The following ZZZ3 variants were observed in gnomAD, a reference collection of about 807,000 sequenced individuals.
ZZZ3 encodes the protein ZZ-type zinc finger-containing protein 3.
A neutral mutation model predicts 95.2 loss-of-function variants in ZZZ3; 22 were observed. The observed-to-expected ratio is 0.23, with a 90% CI of 0.17 to 0.33. ZZZ3 has a LOEUF of 0.33. Among genes scored for constraint, ZZZ3 ranks in the 10% least tolerant of loss-of-function variants. ZZZ3 has a pLI of 1.00. For missense variants in ZZZ3, 885 were observed against 1,066.5 expected (o/e 0.83, Z 2.37); for synonymous variants, 335 against 358.9 (o/e 0.93, Z 0.75).
intron 5 of ZZZ3, among the ~76,000 whole-genome samples, chr1:77,594,122 G>A (rs895363990): frequency 6.6e-6 from 1 of 152,038 alleles, no homozygotes; most frequent in African/African-American, 2.4e-5. Context: ...GGGCTTATTG[G>A]CTCTGCCCAC....
intron 5 of ZZZ3, among the ~76,000 whole-genome samples, chr1:77,612,876 C>T (rs1665949764): frequency 1.3e-5 from 2 of 151,888 alleles, no homozygotes; most frequent in Non-Finnish European, 2.9e-5. Flanking sequence ...AGCTAATATA[C>T]AGCATGAAAA....
At chr1:77,595,610 C>T (rs1164276441) in intron 5 of ZZZ3, among the ~76,000 whole-genome samples, 9 of 151,964 alleles carry the variant, frequency 5.9e-5, no homozygotes. Context: ...GTGAAGCATG[C>T]CCTTCACAAA....
chr1:77,638,684 A>G (rs1668506722), intron 4 of ZZZ3, among the ~76,000 whole-genome samples: 1 of 152,156 alleles, frequency 6.6e-6, no homozygotes, highest in South Asian at 2.1e-4. Context: ...TAAGTGAAAA[A>G]TTTTTAGTAA....
intron 1 of ZZZ3, among the ~76,000 whole-genome samples, chr1:77,670,380 C>T (rs1671652566): frequency 6.6e-6 from 1 of 151,986 alleles, no homozygotes; most frequent in Non-Finnish European, 1.5e-5. Flanking sequence ...CTGCCTCAGC[C>T]TCACCGAGTA....
chr1:77,627,066 C>G (rs1667403255), intron 5 of ZZZ3, among the ~76,000 whole-genome samples: 1 of 152,134 alleles, frequency 6.6e-6, no homozygotes, highest in Admixed American at 6.5e-5. Flanking sequence ...TCCCCAAGAT[C>G]TGCTCCATGA....
At chr1:77,642,797 G>C (rs537759886) in intron 1 of ZZZ3, among the ~76,000 whole-genome samples, 17 of 152,114 alleles carry the variant, frequency 1.1e-4, no homozygotes, top group African/African-American at 3.6e-4. Flanking sequence ...CCTTACACAT[G>C]CTTTCTGGAT....
At chr1:77,622,253 G>A (rs1417128385) in intron 5 of ZZZ3, among the ~76,000 whole-genome samples, 1 of 151,738 alleles carries the variant, frequency 6.6e-6, no homozygotes, top group African/African-American at 2.4e-5. Flanking sequence ...GCTGCAGTGA[G>A]CCTAGACTGT....
chr1:77,617,410 T>C (rs1378293424), intron 5 of ZZZ3, among the ~76,000 whole-genome samples: 2 of 152,238 alleles, frequency 1.3e-5, no homozygotes, highest in African/African-American at 2.4e-5. Context: ...GTGTCTGGTT[T>C]CTTTCATTGG....
chr1:77,590,006 A>C (rs1663516851), intron 5 of ZZZ3, among the ~76,000 whole-genome samples: 1 of 152,232 alleles, frequency 6.6e-6, no homozygotes, highest in African/African-American at 2.4e-5. Flanking sequence ...AACATTTTTA[A>C]AAATCCATAT....
At chr1:77,639,707 T>C in intron 3 of ZZZ3, 105 bp from the exon 4 acceptor site, 1 of 341,986 alleles carries the variant, frequency 2.9e-6, no homozygotes, top group Non-Finnish European at 5.2e-6. Flanking sequence ...CAGAAACTGT[T>C]CATAGTGACA....
At chr1:77,677,623 T>C (rs1672383567) in intron 1 of ZZZ3, among the ~76,000 whole-genome samples, 1 of 152,108 alleles carries the variant, frequency 6.6e-6, no homozygotes, top group Non-Finnish European at 1.5e-5. Context: ...ATTCTGGCAA[T>C]ATACAAGAGA....
chr1:77,666,027 C>T (rs1051873062), intron 1 of ZZZ3, among the ~76,000 whole-genome samples: 3 of 152,056 alleles, frequency 2.0e-5, no homozygotes, highest in African/African-American at 4.8e-5. Flanking sequence ...GGAGAGACAG[C>T]GAGACTCCAT....
Position 77,649,163 on chromosome 1 carries a change from G to A in ZZZ3, c.-402-7508C>T, listed in dbSNP as rs188165980. On this transcript the variant is annotated intron_variant, in intron 1 of 14. Transcript: ENST00000370801. ...ATACAAAGAAGCTCAATAAACCCAA[G>A]CACAAGAAACATGAATAAAACTACA... Among the ~76,000 whole-genome samples, 34 of 152,118 alleles carry A rather than the reference G, an allele frequency of 2.2e-4. No individual in the cohort carries two copies. In the East Asian group the frequency reaches 5.8e-3, roughly 26 times the overall value.
rs1260610024 is a variant in ZZZ3, at chr1:77,632,409, C to T, written c.946G>A (p.Glu316Lys). ...ETQSSLRDSE[E>K]EVDVVGDSSA... ...CTATCTCCCACCACATCTACTTCCTCCTCAGAATCCCTTAAAGATGACTGA... is the reference window on the plus strand; with the variant it reads ...CTATCTCCCACCACATCTACTTCCTTCTCAGAATCCCTTAAAGATGACTGA... The change falls in exon 5 of 15, where the codon GAG (glutamate) becomes AAG (lysine). Residue 316 changes from glutamate (E) to lysine (K), a missense_variant. Transcript: ENST00000370801. The T allele has an allele frequency of 2.5e-6, 4 of 1,614,026 alleles. No individual in the cohort carries two copies. The Admixed American group carries it at 5.0e-5, about 20-fold the overall frequency.
At position 77,584,653 on chromosome 1, in the gene ZZZ3, T is replaced by C. The variant is rs1662909404; in HGVS notation, c.1508A>G (p.Tyr503Cys). Residue 503 changes from tyrosine (Y) to cysteine (C), a missense_variant and splice_region_variant, in exon 6 of 15, where the codon TAT (tyrosine) becomes TGT (cysteine). Physicochemically the swap from Tyr to Cys is radical, Grantham distance 194. Around this residue, in one of 5 missense-constraint regions of ZZZ3, gnomAD observed 556 missense variants for 652.9 expected, o/e 0.85. Coordinates refer to ENST00000370801, the MANE Select transcript of ZZZ3 (RefSeq NM_015534.6). ...AGCAATCGTCTGTAATAGTCTCTGA[T>C]AACTACAGAGACAAAGAAAAATATT... ...DHVALKHNKD[Y>C]QRLLQTIAVL... The C allele has an allele frequency of 1.9e-6, 3 of 1,575,488 alleles. No individual in the cohort carries two copies. Among genetic ancestry groups the C allele is most frequent in the Non-Finnish European group, 2.6e-6 (3 of 1,167,812 alleles).
At chr1:77,609,681 T>C (rs1014753464) in intron 5 of ZZZ3, among the ~76,000 whole-genome samples, 4 of 151,908 alleles carry the variant, frequency 2.6e-5, no homozygotes, top group Non-Finnish European at 4.4e-5. Context: ...AAAAATAATA[T>C]CAAGCATCTT....
intron 5 of ZZZ3, among the ~76,000 whole-genome samples, chr1:77,618,609 A>C (rs1666562054): frequency 6.6e-6 from 1 of 152,206 alleles, no homozygotes; most frequent in Non-Finnish European, 1.5e-5. Flanking sequence ...TTTTCTGATC[A>C]TGAGTATTCG....
intron 5 of ZZZ3, among the ~76,000 whole-genome samples, chr1:77,623,015 GTAAC>G (rs112724339): frequency 2.0e-5 from 3 of 152,294 alleles, no homozygotes; most frequent in African/African-American, 7.2e-5. Flanking sequence ...TCATAACAGA[GTAAC>G]TGACACAGAA....
intron 12 of ZZZ3, among the ~76,000 whole-genome samples, chr1:77,572,388 G>A (rs1309164222): frequency 6.6e-6 from 1 of 152,146 alleles, no homozygotes; most frequent in African/African-American, 2.4e-5. Context: ...TTCCAGGCTG[G>A]AGTGCAGTGG....
Sources: allele counts gnomAD v4.1 joint callset (sites outside exome capture counted in the v4.1 genomes callset), GRCh38; gene constraint gnomAD v4.1.1; regional missense constraint gnomAD v4.1.1; transcripts MANE v1.5; gene names NCBI Gene and HGNC (gene_info 2026-07-23, HGNC 2026-07-21).